EPHA6: variants seen among roughly 807,000 people sequenced by gnomAD.
EPHA6 encodes ephrin type-A receptor 6.
EPHA6 carries 50 observed loss-of-function variants against 112.0 expected under a neutral mutation model. The ratio of observed to expected loss-of-function variants is 0.45; its 90% confidence interval spans 0.36 to 0.56. The LOEUF is 0.56. EPHA6 is among the 20% of genes least tolerant of loss of function. EPHA6 has a pLI of 0.00. For missense variants in EPHA6, 1,280 were observed against 1,417.4 expected (o/e 0.90, Z 1.56); for synonymous variants, 529 against 490.7 (o/e 1.08, Z -1.03).
chr3:96,878,826 TTGAA>T (rs1400696872), intron 2 of EPHA6, among the ~76,000 whole-genome samples: 2 of 152,036 alleles, frequency 1.3e-5, no homozygotes, highest in Non-Finnish European at 2.9e-5. Flanking sequence ...GGAATAAAAG[TTGAA>T]TGGTGAAAAA....
At chr3:97,405,417 C>T (rs2087274916) in intron 6 of EPHA6, 143 bp downstream of exon 6, 2 of 636,218 alleles carry the variant, frequency 3.1e-6, no homozygotes, top group Non-Finnish European at 5.2e-6. Flanking sequence ...TCTTTGAATC[C>T]TCTCTAACTT....
chr3:97,316,325 TA>T (rs1198133314), intron 5 of EPHA6, among the ~76,000 whole-genome samples: 2 of 151,730 alleles, frequency 1.3e-5, no homozygotes, highest in African/African-American at 4.8e-5. Flanking sequence ...GACAATTAAA[TA>T]AAAAGTCTTA....
At chr3:97,266,527 C>A (rs2079690954) in intron 5 of EPHA6, among the ~76,000 whole-genome samples, 1 of 152,010 alleles carries the variant, frequency 6.6e-6, no homozygotes, top group South Asian at 2.1e-4. Flanking sequence ...AAATTTGCTA[C>A]CACTAGCCCA....
At position 97,253,808 on chromosome 3, in the gene EPHA6, T is replaced by C. The variant is rs115712660; in HGVS notation, c.1606+9521T>C. 3.2e-3 allele frequency among the ~76,000 whole-genome samples: 484 copies of C among 152,282 alleles called. 3 individuals are homozygous for C. Among genetic ancestry groups the C allele is most frequent in the African/African-American group, 0.011 (441 of 41,582 alleles). On this transcript the variant is annotated intron_variant, in intron 5 of 17. Transcript: ENST00000389672. ...TATTTTGACTTCCTGTTTCAAGGCT[T>C]CTATATATAAATAGTGGATGTTTGG...
At chr3:96,902,431 G>A (rs1403724073) in intron 2 of EPHA6, among the ~76,000 whole-genome samples, 2 of 152,134 alleles carry the variant, frequency 1.3e-5, no homozygotes, top group African/African-American at 2.4e-5. Context: ...AGGGGCAAAA[G>A]GGAAAGCAGT....
At chr3:97,488,110 C>T (rs564889808) in intron 10 of EPHA6, among the ~76,000 whole-genome samples, 1 of 152,288 alleles carries the variant, frequency 6.6e-6, no homozygotes, top group South Asian at 2.1e-4. Flanking sequence ...ATTCTTGTGT[C>T]GCTAAGCCCA....
At chr3:97,071,862 C>A (rs2046369314) in intron 3 of EPHA6, among the ~76,000 whole-genome samples, 3 of 151,984 alleles carry the variant, frequency 2.0e-5, no homozygotes, top group South Asian at 4.1e-4. Context: ...GTCTTTTATT[C>A]CTCACCCGTC....
intron 3 of EPHA6, among the ~76,000 whole-genome samples, chr3:97,102,260 G>A (rs1475052946): frequency 1.3e-5 from 2 of 151,976 alleles, no homozygotes; most frequent in South Asian, 4.1e-4. Flanking sequence ...AAGCAATCTT[G>A]GATTCTCTAT....
At chr3:96,843,324 A>G (rs757329895) in intron 1 of EPHA6, among the ~76,000 whole-genome samples, 1 of 152,082 alleles carries the variant, frequency 6.6e-6, no homozygotes, top group Non-Finnish European at 1.5e-5. Context: ...GTTTTTGGCT[A>G]GAAATGAAAA....
chr3:96,949,381 T>G (rs2041429917), intron 2 of EPHA6, among the ~76,000 whole-genome samples: 1 of 152,258 alleles, frequency 6.6e-6, no homozygotes, highest in African/African-American at 2.4e-5. Flanking sequence ...GCAGTATTAC[T>G]TATTAGCTGT....
intron 11 of EPHA6, among the ~76,000 whole-genome samples, chr3:97,569,654 C>A (rs1019390849): frequency 6.6e-6 from 1 of 151,848 alleles, no homozygotes; most frequent in Non-Finnish European, 1.5e-5. Flanking sequence ...TATACATTTT[C>A]AAAAAAATAC....
Position 97,256,567 on chromosome 3 carries a change from T to C in EPHA6, c.1606+12280T>C, listed in dbSNP as rs150284250. Among the ~76,000 whole-genome samples, 714 of 152,218 alleles carry C rather than the reference T, an allele frequency of 4.7e-3. 5 individuals are homozygous for C. Among genetic ancestry groups the C allele is most frequent in the African/African-American group, 0.015 (630 of 41,582 alleles). ...ACTTAACACAGATATGGCAAGCAGA[T>C]GGTATTTCTATACTGTATTTTGCAT... On this transcript the variant is annotated intron_variant, in intron 5 of 17. Coordinates refer to ENST00000389672, the MANE Select transcript of EPHA6 (RefSeq NM_001080448.3).
chr3:97,127,524 C>A (rs2048215322), intron 3 of EPHA6, among the ~76,000 whole-genome samples: 1 of 152,010 alleles, frequency 6.6e-6, no homozygotes, highest in Admixed American at 6.6e-5. Flanking sequence ...GTTCCGAGAC[C>A]AGCCCGGCCA....
At chr3:96,834,160 G>A (rs1346870076) in intron 1 of EPHA6, among the ~76,000 whole-genome samples, 1 of 151,914 alleles carries the variant, frequency 6.6e-6, no homozygotes, top group Non-Finnish European at 1.5e-5. Context: ...TGTGGATGAT[G>A]ACCATTTACA....
chr3:97,239,891 C>T (rs1369433062), intron 4 of EPHA6, among the ~76,000 whole-genome samples: 2 of 151,844 alleles, frequency 1.3e-5, no homozygotes, highest in East Asian at 3.9e-4. Flanking sequence ...GTCAGATTTT[C>T]TATTTATAGG....
At chr3:96,923,361 G>A (rs1163571175) in intron 2 of EPHA6, among the ~76,000 whole-genome samples, 1 of 152,156 alleles carries the variant, frequency 6.6e-6, no homozygotes, top group African/African-American at 2.4e-5. Flanking sequence ...TGTCATTGTG[G>A]TTTTGATTTG....
chr3:96,871,998 G>A (rs2107474941), intron 2 of EPHA6, among the ~76,000 whole-genome samples: 1 of 152,096 alleles, frequency 6.6e-6, no homozygotes, highest in Admixed American at 6.6e-5. Context: ...CATTTCCCTA[G>A]AAAAGAAAAG....
intron 2 of EPHA6, among the ~76,000 whole-genome samples, chr3:96,928,857 C>CT (rs890738921): frequency 1.3e-5 from 2 of 152,194 alleles, no homozygotes; most frequent in African/African-American, 2.4e-5. Flanking sequence ...GGATTGAACT[C>CT]TTTACCATTA....
intron 1 of EPHA6, among the ~76,000 whole-genome samples, chr3:96,839,687 A>T (rs1466648219): frequency 6.6e-6 from 1 of 152,060 alleles, no homozygotes; most frequent in East Asian, 1.9e-4. Flanking sequence ...GGTGTTAGTT[A>T]AAAAATAGTT....
Sources: gnomAD v4.1 joint callset for allele counts (sites outside exome capture counted in the v4.1 genomes callset) on GRCh38, gnomAD v4.1.1 for gene constraint, MANE v1.5 for transcripts, NCBI Gene and HGNC (gene_info 2026-07-23, HGNC 2026-07-21) for gene names.